The following ZNF398 variants were observed in gnomAD, a reference collection of about 807,000 sequenced individuals.
The protein encoded by ZNF398 is zinc finger protein 398.
ZNF398 carries 18 observed loss-of-function variants against 41.9 expected under a neutral mutation model. The observed-to-expected ratio is 0.43, with a 90% CI of 0.30 to 0.64. The LOEUF (loss-of-function observed/expected upper bound fraction) is 0.64, where lower values mean the gene tolerates loss of function less well. Among genes scored for constraint, ZNF398 ranks in the 30% least tolerant of loss-of-function variants. The pLI, the probability that ZNF398 is intolerant of heterozygous loss-of-function variation, is 0.14. For missense variants in ZNF398, 669 were observed against 822.8 expected, an observed-to-expected ratio of 0.81 and a Z score of 2.29; for synonymous variants, 260 against 308.8, an observed-to-expected ratio of 0.84 and a Z score of 1.66.
chr7:149,159,221 T>G (rs1795047754), intron 2 of ZNF398, among the ~76,000 whole-genome samples: 1 of 151,962 alleles, frequency 6.6e-6, no homozygotes, highest in African/African-American at 2.4e-5. Flanking sequence ...GGATTACAGG[T>G]GTGAGCCACC....
intron 2 of ZNF398, among the ~76,000 whole-genome samples, chr7:149,165,019 G>A (rs536616364): frequency 1.8e-4 from 28 of 151,876 alleles, no homozygotes; most frequent in African/African-American, 6.0e-4. Flanking sequence ...GCTTGAACTC[G>A]GGAGGCAGAG....
intron 2 of ZNF398, among the ~76,000 whole-genome samples, chr7:149,161,808 C>CAAAAAAAA (rs36116852): frequency 8.6e-6 from 1 of 116,702 alleles, no homozygotes; most frequent in African/African-American, 3.0e-5. Flanking sequence ...TAATTAACTC[C>CAAAAAAAA]AAAAAAAAAA....
intron 2 of ZNF398, among the ~76,000 whole-genome samples, chr7:149,159,406 G>C (rs1003074303): frequency 2.0e-5 from 3 of 151,854 alleles, no homozygotes; most frequent in Non-Finnish European, 4.4e-5. Flanking sequence ...CCAGTACTTT[G>C]GGAGGCTGAG....
At chr7:149,161,914 A>T (rs1364021456) in intron 2 of ZNF398, among the ~76,000 whole-genome samples, 1 of 152,194 alleles carries the variant, frequency 6.6e-6, no homozygotes, top group Admixed American at 6.5e-5. Flanking sequence ...ATAGAGCTGC[A>T]AGCTTTGCTA....
chr7:149,160,082 CTGATT>C, intron 2 of ZNF398, among the ~76,000 whole-genome samples: 1 of 3,956 alleles, frequency 2.5e-4, no homozygotes, highest in Admixed American at 3.5e-3. Flanking sequence ...GGATAATTAG[CTGATT>C]AGCATATCTA....
intron 2 of ZNF398, among the ~76,000 whole-genome samples, chr7:149,129,436 G>C (rs1826555344): frequency 6.6e-6 from 1 of 152,118 alleles, no homozygotes; most frequent in South Asian, 2.1e-4. Flanking sequence ...CTAGAGTGCA[G>C]TGGCTCGATC....
At chr7:149,149,494 G>T (rs539715377) in intron 1 of ZNF398, among the ~76,000 whole-genome samples, 2 of 152,198 alleles carry the variant, frequency 1.3e-5, no homozygotes, top group Admixed American at 1.3e-4. Context: ...GATCCAAAGT[G>T]CTGGGATTAC....
chr7:149,147,896 C>T lies in ZNF398; in HGVS notation c.24+130C>T, dbSNP rs1826996927. On this transcript the variant is annotated intron_variant, in intron 1 of 5. Coordinates refer to ENST00000475153, the MANE Select transcript of ZNF398 (RefSeq NM_170686.3). This position sits in a 1 kb window ranked among gnomAD's most constrained non-coding sequence, Gnocchi z 5.6. ...CCCGCCGGCCACGTCGCCTGTCGCC[C>T]GTGCTTGGCGGCTGCAGCCTCGCGT... 4.4e-6 allele frequency: 5 copies of T among 1,126,886 alleles called. No homozygotes were observed. The highest frequency in any genetic ancestry group is 4.3e-5 in the Admixed American group (1 of 23,258). The allele number at this position is 1,126,886 out of a possible 1,614,324, so 69.8% of individuals were successfully genotyped here. A position where few individuals can be genotyped will look rare whatever the true frequency, so the allele number is the denominator to read the frequency against.
chr7:149,165,535 G>A (rs1028738287), intron 2 of ZNF398, among the ~76,000 whole-genome samples: 3 of 152,178 alleles, frequency 2.0e-5, no homozygotes, highest in Non-Finnish European at 4.4e-5. Context: ...TAGACAAAAT[G>A]TTCCATTTGA....
intron 2 of ZNF398, among the ~76,000 whole-genome samples, chr7:149,155,707 A>ATTTTTTT (rs1359986695): frequency 1.4e-5 from 1 of 73,576 alleles, no homozygotes; most frequent in Non-Finnish European, 2.4e-5. Context: ...ATATATATAT[A>ATTTTTTT]TTTTTTTTTT....
At chr7:149,149,371 C>T (rs1357137170) in intron 1 of ZNF398, among the ~76,000 whole-genome samples, 2 of 151,944 alleles carry the variant, frequency 1.3e-5, no homozygotes, top group Non-Finnish European at 2.9e-5. Flanking sequence ...GTAGCTGGGA[C>T]TACAGGCGCG....
rs36116852 is a variant in ZNF398 at position 149,161,808 on chromosome 7, CAA to C, written c.421-4336_421-4335del. Among the ~76,000 whole-genome samples the C allele has an allele frequency of 2.2e-3, 257 of 116,698 alleles. 1 individual carries two copies. The highest frequency in any genetic ancestry group is 6.8e-3 in the African/African-American group (225 of 33,010). The allele number at this position is 116,698 out of a possible 152,430, so 76.6% of individuals were successfully genotyped here. On this transcript the variant is annotated intron_variant, in intron 2 of 5. Transcript: ENST00000475153. ...AAATGAAGCTGCAGGTAATTAACTC[CAA>C]AAAAAAAAAAAAAGGGGAATTGTTA...
chr7:149,128,464 T>C (rs747582384), intron 1 of ZNF398, among the ~76,000 whole-genome samples: 46 of 152,134 alleles, frequency 3.0e-4, no homozygotes, highest in Admixed American at 8.5e-4. Flanking sequence ...CTAGATTCTC[T>C]GGCCGGGCGC....
intron 2 of ZNF398, among the ~76,000 whole-genome samples, chr7:149,133,629 C>A (rs1826640725): frequency 9.4e-6 from 1 of 106,252 alleles, no homozygotes. Context: ...CTGCACCTGG[C>A]TTTTGGTTAT....
chr7:149,167,038 C>G, intron 4 of ZNF398, 108 bp downstream of exon 4: 1 of 701,718 alleles, frequency 1.4e-6, no homozygotes, highest in Non-Finnish European at 2.4e-6. Flanking sequence ...ATTGCTAAAG[C>G]AACTAGATTT....
chr7:149,127,060 G>C (rs1406326470), intron 1 of ZNF398, among the ~76,000 whole-genome samples: 1 of 152,240 alleles, frequency 6.6e-6, no homozygotes, highest in Non-Finnish European at 1.5e-5. Context: ...CTGTGACAGA[G>C]CGGGAGAAGA....
chr7:149,137,250 C>A (rs371028254), intron 2 of ZNF398, among the ~76,000 whole-genome samples: 167 of 152,240 alleles, frequency 1.1e-3, no homozygotes, highest in African/African-American at 3.8e-3. Flanking sequence ...TTTATTGATC[C>A]ATGTGTCTAT....
intron 4 of ZNF398, among the ~76,000 whole-genome samples, chr7:149,168,613 G>C (rs1336750186): frequency 1.3e-5 from 2 of 151,948 alleles, no homozygotes; most frequent in African/African-American, 2.4e-5. Context: ...CTGTCGCCCA[G>C]GCTAGAGTGC....
Position 149,179,710 on chromosome 7 carries a change from C to A in ZNF398, c.1838C>A (p.Thr613Asn). 1 of 1,614,164 alleles carries A rather than the reference C, an allele frequency of 6.2e-7. No homozygotes were observed. Among genetic ancestry groups the A allele is most frequent in the Non-Finnish European group, 8.5e-7 (1 of 1,180,020 alleles). Residue 613 changes from threonine to asparagine, a missense_variant, in exon 6 of 6, where the codon ACT becomes AAT. Thr to Asn is a moderately conservative substitution (Grantham distance 65). Transcript: ENST00000475153. The surrounding 1 kb of genome is among the most constrained non-coding windows in gnomAD (Gnocchi z 6.1). ...CCCAACCCACCAGGTCCCCTCATAA[C>A]TGGGCTTGAAACTTCTGGCCTGGGT... is the stretch of plus-strand genomic sequence containing the variant. ...QPPNPPGPLI[T>N]GLETSGLGVN... is the part of the protein sequence containing the mutation.
Sources: gnomAD v4.1 joint callset for allele counts (sites outside exome capture counted in the v4.1 genomes callset) on GRCh38, gnomAD v4.1.1 for gene constraint, Gnocchi (gnomAD v3.1) non-coding constraint, MANE v1.5 for transcripts, NCBI Gene and HGNC (gene_info 2026-07-23, HGNC 2026-07-21) for gene names.